SMOC2: variants seen among roughly 807,000 people sequenced by gnomAD.
SMOC2 encodes SPARC related modular calcium binding 2.
SMOC2 carries 39 observed loss-of-function variants against 61.4 expected under a neutral mutation model. That is an observed-to-expected ratio of 0.64 (90% CI 0.49 to 0.83). The LOEUF (loss-of-function observed/expected upper bound fraction) is 0.83. Among genes scored for constraint, SMOC2 ranks in the 40% least tolerant of loss-of-function variants. SMOC2 has a pLI of 0.00. For synonymous variants in SMOC2, 247 were observed against 239.9 expected (o/e 1.03, Z -0.27); for missense variants, 556 against 592.9 (o/e 0.94, Z 0.65).
At chr6:168,576,453 G>A (rs1784807144) in intron 7 of SMOC2, among the ~76,000 whole-genome samples, 1 of 152,100 alleles carries the variant, frequency 6.6e-6, no homozygotes, top group Non-Finnish European at 1.5e-5. Context: ...CACGCTTCCA[G>A]AGTGCAAGGC....
intron 7 of SMOC2, among the ~76,000 whole-genome samples, chr6:168,573,764 C>T (rs1784729772): frequency 6.6e-6 from 1 of 152,184 alleles, no homozygotes; most frequent in African/African-American, 2.4e-5. Context: ...TCTCACCAGC[C>T]TCATTCTCAG....
chr6:168,573,611 G>A (rs1274941993), intron 7 of SMOC2, among the ~76,000 whole-genome samples: 1 of 152,112 alleles, frequency 6.6e-6, no homozygotes, highest in South Asian at 2.1e-4. Flanking sequence ...GAGCGCCTGC[G>A]ACAGGGCAGA....
chr6:168,635,099 C>T (rs118083400), intron 9 of SMOC2, among the ~76,000 whole-genome samples: 3,680 of 152,304 alleles, frequency 0.024, 283 homozygotes, highest in Admixed American at 0.16. Context: ...AGCCTTCTCA[C>T]GCCTCGTGAG....
chr6:168,513,484 TAC>T (rs910887205), intron 2 of SMOC2, among the ~76,000 whole-genome samples: 1,922 of 27,312 alleles, frequency 0.07, 51 homozygotes, highest in African/African-American at 0.18. Context: ...CACACATACA[TAC>T]ACACACACAC....
chr6:168,603,659 C>T (rs909711445), intron 8 of SMOC2, among the ~76,000 whole-genome samples: 5 of 151,762 alleles, frequency 3.3e-5, no homozygotes, highest in African/African-American at 1.2e-4. Flanking sequence ...CCAAACACAT[C>T]ACACTTAGCA....
At chr6:168,652,039 C>T (rs1787206953) in intron 10 of SMOC2, among the ~76,000 whole-genome samples, 1 of 97,002 alleles carries the variant, frequency 1.0e-5, no homozygotes, top group Non-Finnish European at 2.5e-5. Context: ...AAAACTCTGT[C>T]TCAAAAAAAA....
At chr6:168,664,575 T>C (rs763572591) in intron 12 of SMOC2, 22 of 386,706 alleles carry the variant, frequency 5.7e-5, no homozygotes, top group Admixed American at 5.1e-4. Flanking sequence ...GTCAGGGAGG[T>C]TGCAGGAACA....
intron 1 of SMOC2, among the ~76,000 whole-genome samples, chr6:168,474,679 A>G (rs1481064520): frequency 6.6e-6 from 1 of 152,174 alleles, no homozygotes; most frequent in Non-Finnish European, 1.5e-5. Context: ...ACAGCTGCGC[A>G]GGCTGTGCAC....
chr6:168,615,286 G>A (rs1464859954), intron 9 of SMOC2, among the ~76,000 whole-genome samples: 2 of 83,968 alleles, frequency 2.4e-5, no homozygotes, highest in Non-Finnish European at 4.9e-5. Flanking sequence ...GCCAGCATGG[G>A]GCCTCTTCAC....
chr6:168,455,638 AAGGT>A (rs1191974278), intron 1 of SMOC2, among the ~76,000 whole-genome samples: 3 of 152,252 alleles, frequency 2.0e-5, no homozygotes, highest in Admixed American at 6.5e-5. Context: ...TGTAAAGGAA[AAGGT>A]ACAGATTTCA....
rs1051649337 is a variant in SMOC2, at chr6:168,605,309, T to A, written c.825-2848T>A. On this transcript the variant is annotated intron_variant, in intron 8 of 12. Coordinates refer to ENST00000356284, the MANE Select transcript of SMOC2 (RefSeq NM_001166412.2). Reference sequence around the variant, plus strand: ...CCAGAGCGTGTCTTTCAGTGGGGTGTGCAGGGGATCATGTGGGCATAGGAC... The same window carrying A: ...CCAGAGCGTGTCTTTCAGTGGGGTGAGCAGGGGATCATGTGGGCATAGGAC... Among the ~76,000 whole-genome samples, 26 of 152,250 alleles carry A rather than the reference T, an allele frequency of 1.7e-4. No homozygotes were observed. The South Asian group carries it at 1.9e-3, about 11-fold the overall frequency.
intron 9 of SMOC2, among the ~76,000 whole-genome samples, chr6:168,623,992 G>A (rs888769449): frequency 2.6e-4 from 39 of 152,168 alleles, no homozygotes; most frequent in African/African-American, 9.2e-4. Flanking sequence ...CCGCAGAGGA[G>A]GCTCCTGCAG....
At chr6:168,591,221 G>A (rs944633773) in intron 7 of SMOC2, among the ~76,000 whole-genome samples, 1 of 152,196 alleles carries the variant, frequency 6.6e-6, no homozygotes, top group African/African-American at 2.4e-5. Flanking sequence ...ATTACTTTTC[G>A]GGAGTGTGTT....
At chr6:168,608,618 T>G (rs6913757) in intron 9 of SMOC2, among the ~76,000 whole-genome samples, 85,096 of 152,132 alleles carry the variant, frequency 0.56, 24,809 homozygotes, top group Middle Eastern at 0.75. Context: ...CATTCCTTTT[T>G]CACTGAATCA....
chr6:168,622,478 C>G (rs1786272070), intron 9 of SMOC2, among the ~76,000 whole-genome samples: 1 of 150,972 alleles, frequency 6.6e-6, no homozygotes, highest in African/African-American at 2.4e-5. Flanking sequence ...CCCCTTTGTT[C>G]TCGCCATGGC....
intron 10 of SMOC2, among the ~76,000 whole-genome samples, chr6:168,651,510 T>A (rs1028175324): frequency 6.6e-6 from 1 of 152,198 alleles, no homozygotes; most frequent in South Asian, 2.1e-4. Context: ...ATAGTTTATC[T>A]GTTTCTTTCA....
chr6:168,525,176 T>C (rs907845074), intron 2 of SMOC2, among the ~76,000 whole-genome samples: 1 of 152,244 alleles, frequency 6.6e-6, no homozygotes, highest in African/African-American at 2.4e-5. Flanking sequence ...TATGGTGTGA[T>C]GGTCCCAAGA....
intron 9 of SMOC2, among the ~76,000 whole-genome samples, chr6:168,611,751 G>T (rs1021073843): frequency 1.3e-5 from 2 of 152,184 alleles, no homozygotes; most frequent in African/African-American, 2.4e-5. Context: ...CCCATGTCAG[G>T]CCCTGATGTG....
intron 7 of SMOC2, among the ~76,000 whole-genome samples, chr6:168,595,314 T>C (rs1422974152): frequency 6.6e-6 from 1 of 152,192 alleles, no homozygotes; most frequent in East Asian, 1.9e-4. Flanking sequence ...CACGGCCCCA[T>C]GCGCCTCCCC....
Sources: allele counts gnomAD v4.1 joint callset (sites outside exome capture counted in the v4.1 genomes callset), GRCh38; gene constraint gnomAD v4.1.1; transcripts MANE v1.5; gene names NCBI Gene and HGNC (gene_info 2026-07-23, HGNC 2026-07-21).